The following ZHX3 variants were observed in gnomAD, a reference collection of about 807,000 sequenced individuals.
ZHX3 encodes zinc fingers and homeoboxes 3, also known as zinc fingers and homeoboxes protein 3.
A neutral mutation model predicts 64.5 loss-of-function variants in ZHX3; 20 were observed. The ratio of observed to expected loss-of-function variants is 0.31; its 90% CI spans 0.22 to 0.45. The LOEUF is 0.45. Ranked by LOEUF, ZHX3 falls within the 20% of genes least tolerant of loss-of-function variation. The pLI, the probability that ZHX3 is intolerant of heterozygous loss-of-function variation, is 1.00. For synonymous variants in ZHX3, 423 were observed against 461.6 expected, an observed-to-expected ratio of 0.92 and a Z score of 1.07; for missense variants, 1,041 against 1,195.8, an observed-to-expected ratio of 0.87 and a Z score of 1.91.
At chr20:41,268,663 T>C (rs1398530071) in intron 2 of ZHX3, among the ~76,000 whole-genome samples, 1 of 152,218 alleles carries the variant, frequency 6.6e-6, no homozygotes, top group African/African-American at 2.4e-5. Context: ...AGCTGACACT[T>C]TGACTCACCC....
chr20:41,312,091 G>T (rs1336836967), intron 1 of ZHX3, among the ~76,000 whole-genome samples: 1 of 152,192 alleles, frequency 6.6e-6, no homozygotes, highest in African/African-American at 2.4e-5. Flanking sequence ...TTCCTGGGTC[G>T]AGTGGGGACT....
At chr20:41,309,016 C>T (rs1326985356) in intron 1 of ZHX3, among the ~76,000 whole-genome samples, 1 of 152,108 alleles carries the variant, frequency 6.6e-6, no homozygotes, top group East Asian at 1.9e-4. Context: ...AACATGATAA[C>T]AATTATAATC....
chr20:41,299,250 C>G (rs2044692610), intron 1 of ZHX3, among the ~76,000 whole-genome samples: 1 of 152,116 alleles, frequency 6.6e-6, no homozygotes, highest in Non-Finnish European at 1.5e-5. Context: ...AATAACAACT[C>G]TATAATGTTT....
chr20:41,188,203 C>G (rs1030993462), intron 3 of ZHX3, among the ~76,000 whole-genome samples: 1 of 152,096 alleles, frequency 6.6e-6, no homozygotes, highest in Non-Finnish European at 1.5e-5. Flanking sequence ...TTCCAATGAA[C>G]ATAATGACCT....
At chr20:41,287,373 T>C (rs1043458632) in intron 1 of ZHX3, among the ~76,000 whole-genome samples, 1 of 152,210 alleles carries the variant, frequency 6.6e-6, no homozygotes, top group African/African-American at 2.4e-5. Flanking sequence ...ATTTATAATA[T>C]GTCTTACCTT....
chr20:41,205,128 T>C, intron 2 of ZHX3, 62 bp from the exon 3 acceptor site: 2 of 766,016 alleles, frequency 2.6e-6, no homozygotes, highest in Non-Finnish European at 3.7e-6. Flanking sequence ...ATTTCTCGGA[T>C]ACCCAGACAC....
rs997310631 is a variant in ZHX3 at position 41,201,929 on chromosome 20, C to T, written c.2860+128G>A. 6.3e-5 allele frequency: 73 copies of T among 1,163,664 alleles called. No individual in the cohort carries two copies. The highest frequency in any genetic ancestry group is 7.8e-5 in the African/African-American group (5 of 64,388). 72.1% of individuals were successfully genotyped at this position (1,163,664 alleles called of 1,614,324 possible). ...CTAGTTGTCCTCTGAAGCAGCCAGG[C>T]GGTTAATGCTGCTGCCAGGCAGCCT... is the stretch of plus-strand genomic sequence containing the variant. On this transcript the variant is annotated intron_variant, in intron 3 of 3. Coordinates refer to ENST00000683867, the MANE Select transcript of ZHX3 (RefSeq NM_001384317.1). The surrounding 1 kb of genome is among the most constrained non-coding windows in gnomAD (Gnocchi z 5.0).
intron 1 of ZHX3, among the ~76,000 whole-genome samples, chr20:41,308,603 C>T (rs2045044375): frequency 6.6e-6 from 1 of 152,150 alleles, no homozygotes; most frequent in African/African-American, 2.4e-5. Flanking sequence ...AATTCAGAAC[C>T]TCTTTAATAG....
chr20:41,295,549 C>CT, intron 1 of ZHX3, among the ~76,000 whole-genome samples: 1 of 152,198 alleles, frequency 6.6e-6, no homozygotes. Context: ...TCACTGTTGG[C>CT]TGTACAATAC....
intron 1 of ZHX3, among the ~76,000 whole-genome samples, chr20:41,289,897 A>G (rs1194448133): frequency 1.3e-5 from 2 of 152,228 alleles, no homozygotes; most frequent in Admixed American, 1.3e-4. Context: ...GTAAGTATGC[A>G]CTTCTATCCT....
intron 2 of ZHX3, among the ~76,000 whole-genome samples, chr20:41,234,921 G>T (rs923765401): frequency 2.6e-5 from 4 of 152,228 alleles, no homozygotes; most frequent in African/African-American, 9.6e-5. Context: ...CTTTGGTTTT[G>T]TTTTGAACAA....
intron 2 of ZHX3, among the ~76,000 whole-genome samples, chr20:41,211,548 C>A (rs2146285308): frequency 6.6e-6 from 1 of 152,064 alleles, no homozygotes; most frequent in East Asian, 1.9e-4. Context: ...ATTTGGTATA[C>A]CTTCTCATTT....
At chr20:41,296,232 TAAAA>T (rs57987896) in intron 1 of ZHX3, among the ~76,000 whole-genome samples, 22 of 72,988 alleles carry the variant, frequency 3.0e-4, no homozygotes, top group African/African-American at 8.9e-4. Context: ...GTTCATAAAG[TAAAA>T]AAAAAAAAAA....
At chr20:41,256,734 C>A (rs2042273334) in intron 2 of ZHX3, among the ~76,000 whole-genome samples, 1 of 151,420 alleles carries the variant, frequency 6.6e-6, no homozygotes, top group African/African-American at 2.4e-5. Context: ...GAGTCCCACA[C>A]TCCAACTCCT....
At chr20:41,270,393 A>AG (rs1568926405) in intron 1 of ZHX3, among the ~76,000 whole-genome samples, 1 of 119,672 alleles carries the variant, frequency 8.4e-6, no homozygotes, top group African/African-American at 3.4e-5. Context: ...AAAAAAAAAA[A>AG]GGCCGGGCAC....
At chr20:41,251,964 T>C (rs2042014625) in intron 2 of ZHX3, among the ~76,000 whole-genome samples, 1 of 152,224 alleles carries the variant, frequency 6.6e-6, no homozygotes, top group Admixed American at 6.5e-5. Flanking sequence ...CCTATGTTTT[T>C]CAGATTATCT....
At chr20:41,297,295 C>T (rs542880347) in intron 1 of ZHX3, among the ~76,000 whole-genome samples, 3 of 152,330 alleles carry the variant, frequency 2.0e-5, no homozygotes, top group Admixed American at 6.5e-5. Flanking sequence ...GTTGGTCCCA[C>T]AGCTGAGCCA....
At chr20:41,279,540 A>G (rs2043565141) in intron 1 of ZHX3, among the ~76,000 whole-genome samples, 1 of 152,214 alleles carries the variant, frequency 6.6e-6, no homozygotes, top group Non-Finnish European at 1.5e-5. Flanking sequence ...ACCAAAAAGT[A>G]TTTGAGGACT....
At chr20:41,304,184 A>C (rs2044906739) in intron 1 of ZHX3, among the ~76,000 whole-genome samples, 1 of 151,776 alleles carries the variant, frequency 6.6e-6, no homozygotes, top group Non-Finnish European at 1.5e-5. Flanking sequence ...CTGCCTCCTC[A>C]CTAAATGTTG....
Sources: gnomAD v4.1 joint callset for allele counts (sites outside exome capture counted in the v4.1 genomes callset) on GRCh38, gnomAD v4.1.1 for gene constraint, Gnocchi (gnomAD v3.1) non-coding constraint, MANE v1.5 for transcripts, NCBI Gene and HGNC (gene_info 2026-07-23, HGNC 2026-07-21) for gene names.